COL28A1: variants seen among roughly 807,000 people sequenced by gnomAD.
COL28A1 encodes collagen type XXVIII alpha 1 chain.
A neutral mutation model predicts 150.2 loss-of-function variants in COL28A1; 161 were observed. That is an observed-to-expected ratio of 1.07 (90% CI 0.94 to 1.22). The LOEUF is 1.22. COL28A1 is among the 50% of genes most tolerant of loss of function. The pLI is 0.00. For missense variants in COL28A1, 1,617 were observed against 1,388.3 expected, an observed-to-expected ratio of 1.16 and a Z score of -2.62; for synonymous variants, 552 against 469.7, an observed-to-expected ratio of 1.18 and a Z score of -2.26.
chr7:7,428,694 G>A (rs1381007256), intron 25 of COL28A1, among the ~76,000 whole-genome samples: 1 of 152,232 alleles, frequency 6.6e-6, no homozygotes, highest in Non-Finnish European at 1.5e-5. Flanking sequence ...GGATCCAGGA[G>A]TGAGGACACT....
intron 2 of COL28A1, 100 bp from the exon 3 acceptor site, chr7:7,532,004 GT>G: frequency 1.5e-6 from 1 of 677,412 alleles, no homozygotes; most frequent in Non-Finnish European, 2.6e-6. Flanking sequence ...ATTGTTTGGT[GT>G]TGAGAGCAGC....
At chr7:7,414,386 T>C (rs768301708) in intron 27 of COL28A1, among the ~76,000 whole-genome samples, 23 of 152,218 alleles carry the variant, frequency 1.5e-4, no homozygotes, top group Non-Finnish European at 2.8e-4. Context: ...CCCATATTCA[T>C]TGATCCAAAC....
At chr7:7,367,948 C>G (rs1480528832) in intron 33 of COL28A1, among the ~76,000 whole-genome samples, 1 of 152,022 alleles carries the variant, frequency 6.6e-6, no homozygotes, top group Non-Finnish European at 1.5e-5. Context: ...CCAATCCTTT[C>G]AATCACTATA....
At chr7:7,480,056 A>G (rs1359024007) in intron 13 of COL28A1, among the ~76,000 whole-genome samples, 1 of 152,222 alleles carries the variant, frequency 6.6e-6, no homozygotes, top group African/African-American at 2.4e-5. Context: ...AAACCAGCAC[A>G]CTACAGACAC....
intron 30 of COL28A1, among the ~76,000 whole-genome samples, chr7:7,377,348 A>G (rs1235650414): frequency 6.6e-6 from 1 of 152,158 alleles, no homozygotes; most frequent in African/African-American, 2.4e-5. Flanking sequence ...TGAAGGCATC[A>G]TATTTATACC....
At chr7:7,464,819 A>G (rs1583438162) in intron 15 of COL28A1, among the ~76,000 whole-genome samples, 1 of 152,342 alleles carries the variant, frequency 6.6e-6, no homozygotes, top group African/African-American at 2.4e-5. Context: ...TCAGAGCAGA[A>G]CTGAATGAAA....
At chr7:7,399,596 T>C (rs1174951952) in intron 27 of COL28A1, among the ~76,000 whole-genome samples, 1 of 152,136 alleles carries the variant, frequency 6.6e-6, no homozygotes, top group Non-Finnish European at 1.5e-5. Flanking sequence ...CTCAGGTTGA[T>C]AGGAAGCAAA....
intron 27 of COL28A1, among the ~76,000 whole-genome samples, chr7:7,396,683 A>AG (rs2128296778): frequency 6.6e-6 from 1 of 152,346 alleles, no homozygotes; most frequent in Admixed American, 6.5e-5. Flanking sequence ...GTTGAAGTGT[A>AG]GGCCTGGCTC....
chr7:7,436,564 T>C, intron 22 of COL28A1, 101 bp from the exon 23 acceptor site: 1 of 772,338 alleles, frequency 1.3e-6, no homozygotes, highest in Non-Finnish European at 2.3e-6. Flanking sequence ...GAGCTTAATC[T>C]GTCCATCTCA....
intron 13 of COL28A1, among the ~76,000 whole-genome samples, chr7:7,478,517 T>C (rs1440513279): frequency 6.6e-6 from 1 of 152,254 alleles, no homozygotes; most frequent in Non-Finnish European, 1.5e-5. Context: ...CAGGTGGAGC[T>C]GCCTGCCAGT....
chr7:7,452,764 C>T (rs565805338), intron 17 of COL28A1, among the ~76,000 whole-genome samples: 7 of 152,248 alleles, frequency 4.6e-5, no homozygotes, highest in South Asian at 4.1e-4. Flanking sequence ...AAGCAGAGAA[C>T]GCAACTCAAG....
At chr7:7,516,076 A>AT (rs1483803795) in intron 7 of COL28A1, among the ~76,000 whole-genome samples, 1 of 152,196 alleles carries the variant, frequency 6.6e-6, no homozygotes, top group African/African-American at 2.4e-5. Context: ...AGTTTCAGGT[A>AT]TTTTTCCATA....
chr7:7,535,056 T>C (rs910203450), intron 1 of COL28A1, among the ~76,000 whole-genome samples: 1 of 152,180 alleles, frequency 6.6e-6, no homozygotes, highest in Non-Finnish European at 1.5e-5. Flanking sequence ...CTGTTTTTAA[T>C]AATTCTCACC....
chr7:7,339,227 C>T, the COL28A1 span, among the ~76,000 whole-genome samples: 6 of 152,142 alleles, frequency 3.9e-5, no homozygotes, highest in African/African-American at 1.4e-4. Context: ...CAATCTTTTG[C>T]CTCTTAATTC....
the COL28A1 span, among the ~76,000 whole-genome samples, chr7:7,347,788 A>G: frequency 6.6e-6 from 1 of 152,096 alleles, no homozygotes; most frequent in African/African-American, 2.4e-5. Context: ...GCCCAACCTA[A>G]TATGTTTGGG....
rs559779727 is a variant in COL28A1 at position 7,375,038 on chromosome 7, C to T, written c.2359+423G>A. Among the ~76,000 whole-genome samples, 18 of 152,312 alleles carry T rather than the reference C, an allele frequency of 1.2e-4. No individual in the cohort carries two copies. The South Asian group carries it at 2.5e-3, about 21-fold the overall frequency. On this transcript the variant is annotated intron_variant, in intron 31 of 34. Coordinates refer to ENST00000399429, the MANE Select transcript of COL28A1 (RefSeq NM_001037763.3). ...GGACTGAGTACAACTCAAAACTCTACTCAGAAAGAATTCATGGCTTCGGGA... is the reference window on the plus strand; with the variant it reads ...GGACTGAGTACAACTCAAAACTCTATTCAGAAAGAATTCATGGCTTCGGGA...
In COL28A1 at chr7:7,422,961, G is replaced by A. The variant is rs144116838; in HGVS notation, c.1999-3008C>T. On this transcript the variant is annotated intron_variant, in intron 25 of 34. Transcript: ENST00000399429. ...TACTTTGATTAAGAGAGATTTAAGAGCTATTTCAATCAAATGCAATGTGTG... is the reference window on the plus strand; with the variant it reads ...TACTTTGATTAAGAGAGATTTAAGAACTATTTCAATCAAATGCAATGTGTG... Among the ~76,000 whole-genome samples the A allele has an allele frequency of 4.9e-3, 740 of 152,306 alleles. 4 individuals carry two copies. The highest frequency in any genetic ancestry group is 0.02 in the Middle Eastern group (6 of 294).
chr7:7,474,072 T>TATATATATATATATATGGA (rs777074096), intron 15 of COL28A1, among the ~76,000 whole-genome samples: 1 of 146,346 alleles, frequency 6.8e-6, no homozygotes, highest in African/African-American at 2.5e-5. Context: ...ATATATGGAA[T>TATATATATATATATATGGA]ATATATATAT....
chr7:7,428,936 G>C (rs961620171), intron 25 of COL28A1, among the ~76,000 whole-genome samples: 6 of 152,194 alleles, frequency 3.9e-5, no homozygotes, highest in Non-Finnish European at 7.3e-5. Flanking sequence ...TTGGAAAAGA[G>C]CCACGGAGAA....
Sources: allele counts gnomAD v4.1 joint callset (sites outside exome capture counted in the v4.1 genomes callset), GRCh38; gene constraint gnomAD v4.1.1; transcripts MANE v1.5; gene names NCBI Gene and HGNC (gene_info 2026-07-23, HGNC 2026-07-21).